The following GREP1 variants were observed in gnomAD, a reference collection of about 807,000 sequenced individuals.
GREP1 encodes the protein glycine rich extracellular protein 1, also known as glycine-rich extracellular protein 1.
chr16:2,999,031 T>G (rs1567399128), intron 26 of GREP1, 52 bp downstream of exon 24: 1 of 399,098 alleles, frequency 2.5e-6, no homozygotes, highest in East Asian at 3.6e-5. Context: ...CCTGGCCCTA[T>G]GAGGGTCAGG....
At chr16:2,996,682 C>T (rs999127651) in exon 20 of GREP1, 7 of 398,680 alleles carry the variant, frequency 1.8e-5, no homozygotes, top group African/African-American at 6.2e-5. Flanking sequence ...GGCCTAGGAG[C>T]GGGGATGAAG....
chr16:2,997,516 C>T (rs1053778358), intron 22 of GREP1: 4 of 398,336 alleles, frequency 1.0e-5, no homozygotes, highest in African/African-American at 4.1e-5. Flanking sequence ...CTTGGGGGCT[C>T]CTGCAGCCTT....
intron 25 of GREP1, among the ~76,000 whole-genome samples, 154 bp downstream of exon 23, chr16:2,998,677 G>A (rs1456049645): frequency 1.3e-5 from 2 of 152,138 alleles, no homozygotes; most frequent in Non-Finnish European, 2.9e-5. Flanking sequence ...AGGAGAGTGT[G>A]GACCAAGGGA....
intron 12 of GREP1, 44 bp downstream of exon 13, chr16:2,994,882 A>C (rs1377021332): frequency 2.5e-6 from 1 of 398,972 alleles, no homozygotes; most frequent in Non-Finnish European, 4.4e-6. Context: ...CCAAAACCTG[A>C]GCTCCCTCCC....
At chr16:2,993,085 G>T (rs1040653322) in intron 10 of GREP1, 122 bp downstream of exon 11, 1 of 396,580 alleles carries the variant, frequency 2.5e-6, no homozygotes, top group Non-Finnish European at 4.4e-6. Flanking sequence ...AATAGGAATG[G>T]GTGGGGAGTC....
chr16:2,999,012 T>G (rs1017367691), intron 26 of GREP1, 33 bp downstream of exon 24: 15 of 399,022 alleles, frequency 3.8e-5, no homozygotes, highest in Non-Finnish European at 6.2e-5. Flanking sequence ...TAGGGGGCAC[T>G]GGGAAGCACC....
rs1263025188 is a variant in GREP1 at position 2,998,915 on chromosome 16, CAA to C, written c.1082_1083del (p.Lys361ArgfsTer52). 3 of 399,006 alleles carry C rather than the reference CAA, an allele frequency of 7.5e-6. No individual in the cohort carries two copies. The East Asian group carries it at 1.1e-4, about 14-fold the overall frequency. The allele number at this position is 399,006 out of a possible 1,614,324, so 24.7% of individuals were successfully genotyped here. On this transcript the variant is annotated frameshift_variant, in exon 26 of 35. Coordinates refer to ENST00000573315, the Ensembl canonical transcript of GREP1. LOFTEE classifies it high-confidence loss of function. ...TTCCCACTCCAGGGGTCCCTTCGGA[CAA>C]AGAGGGTGGCTGGGGCCTGAAATCC...
intron 27 of GREP1, 101 bp from the exon 25 acceptor site, chr16:2,999,801 A>G (rs1488050912): frequency 2.5e-6 from 1 of 398,476 alleles, no homozygotes; most frequent in African/African-American, 2.1e-5. Context: ...TGGACAGGAA[A>G]AGTCTCTGCT....
intron 27 of GREP1, among the ~76,000 whole-genome samples, chr16:2,999,462 GAGT>G (rs1162696053): frequency 1.4e-5 from 2 of 143,260 alleles, no homozygotes; most frequent in East Asian, 4.2e-4. Flanking sequence ...GTCCCTCCCC[GAGT>G]CTACCCTCTT....
At chr16:2,993,912 C>G (rs1355107528) in intron 10 of GREP1, 1 of 152,154 alleles carries the variant, frequency 6.6e-6, no homozygotes, top group Non-Finnish European at 1.5e-5. Flanking sequence ...GTGAGCCGAT[C>G]GTGCCACTGC....
At chr16:2,988,655 G>A (rs764471043) in intron 2 of GREP1, 33 bp downstream of exon 2, 19 of 398,960 alleles carry the variant, frequency 4.8e-5, no homozygotes, top group Non-Finnish European at 8.4e-5. Flanking sequence ...GGGTCAGGAA[G>A]AGTCTCCCAT....
At chr16:2,988,382 T>A (rs1173057972) in intron 1 of GREP1, 42 bp downstream of exon 1, 2 of 399,086 alleles carry the variant, frequency 5.0e-6, no homozygotes, top group Middle Eastern at 6.3e-4. Context: ...AGAATGGGCA[T>A]CTGTGACTGG....
intron 17 of GREP1, 37 bp downstream of exon 17, chr16:2,995,808 C>T (rs766219306): frequency 7.5e-6 from 3 of 398,554 alleles, no homozygotes; most frequent in East Asian, 3.6e-5. Flanking sequence ...TCTCTATGCA[C>T]GAACCCCTGA....
At position 2,992,941 on chromosome 16, in the gene GREP1, G is replaced by C. The variant is rs2151094432; in HGVS notation, c.363G>C (p.Gly121=). The change falls in exon 10 of 35, where the codon GGG becomes GGC. Residue 121 remains glycine (G), a synonymous_variant. Transcript: ENST00000573315. This position sits in a 1 kb window ranked among gnomAD's most constrained non-coding sequence, Gnocchi z 4.9. Reference sequence around the variant, plus strand: ...TCATCTTCCCCCCAGGCTTTGGAGGGGGTGGAAAACCCCAGAAGCCAGGTG... The same window carrying C: ...TCATCTTCCCCCCAGGCTTTGGAGGCGGTGGAAAACCCCAGAAGCCAGGTG... The C allele has an allele frequency of 2.5e-6, 1 of 399,050 alleles. No individual in the cohort carries two copies. The highest frequency in any genetic ancestry group is 4.4e-6 in the Non-Finnish European group (1 of 226,068). 24.7% of individuals were successfully genotyped at this position (399,050 alleles called of 1,614,324 possible). A position where few individuals can be genotyped will look rare whatever the true frequency, so the allele number is the denominator to read the frequency against.
intron 27 of GREP1, among the ~76,000 whole-genome samples, chr16:2,999,479 C>CTTTTTTTTT (rs35368761): frequency 1.3e-5 from 1 of 75,500 alleles, no homozygotes; most frequent in Admixed American, 1.5e-4. Flanking sequence ...CCCTCTTGCT[C>CTTTTTTTTT]TTTTTTTTTT....
chr16:2,990,193 T>A (rs958123456), intron 5 of GREP1, 71 bp downstream of exon 5: 10 of 397,104 alleles, frequency 2.5e-5, no homozygotes, highest in Admixed American at 1.3e-4. Context: ...TTGGAGAGAT[T>A]GTTGGGGGGA....
Position 3,000,843 on chromosome 16 carries a change from G to C in GREP1, c.1531+16G>C. On this transcript the variant is annotated intron_variant, in intron 33 of 34. Transcript: ENST00000573315. ...AGCCAGCCAGGTAACGGGATGCCTG[G>C]ATGAGTGTGTTGGGGCCATTAGAGG... 2.5e-6 allele frequency: 1 copy of C among 399,160 alleles called. No homozygotes were observed. Among genetic ancestry groups the C allele is most frequent in the Admixed American group, 4.4e-5 (1 of 22,742 alleles). 24.7% of individuals were successfully genotyped at this position (399,160 alleles called of 1,614,324 possible).
Position 2,992,603 on chromosome 16 carries a change from G to A in GREP1, c.323-202G>A, listed in dbSNP as rs1209095875. 2.6e-6 allele frequency: 1 copy of A among 387,098 alleles called. No individual in the cohort carries two copies. Among genetic ancestry groups the A allele is most frequent in the Non-Finnish European group, 4.6e-6 (1 of 219,188 alleles). 24.0% of individuals were successfully genotyped at this position (387,098 alleles called of 1,614,324 possible). ...CTGGCCATGGAGGACACCCAAGCTGGTCAAGGGTGGCCACGGTCTGGACTC... is the reference window on the plus strand; with the variant it reads ...CTGGCCATGGAGGACACCCAAGCTGATCAAGGGTGGCCACGGTCTGGACTC... On this transcript the variant is annotated intron_variant, in intron 8 of 34. Transcript: ENST00000573315. This position sits in a 1 kb window ranked among gnomAD's most constrained non-coding sequence, Gnocchi z 4.9.
Position 2,991,202 on chromosome 16 carries a change from G to C in GREP1, c.322+101G>C, listed in dbSNP as rs1347382972. On this transcript the variant is annotated intron_variant, in intron 8 of 34. Coordinates refer to ENST00000573315, the Ensembl canonical transcript of GREP1. The surrounding 1 kb of genome is among the most constrained non-coding windows in gnomAD (Gnocchi z 4.9). ...CAGGAGCTGGGAGAGCTGGGCTCTG[G>C]AGGGAGGGCAGGGCTCAGCCACTCT... 4 of 398,568 alleles carry C rather than the reference G, an allele frequency of 1.0e-5. No individual in the cohort carries two copies. Among genetic ancestry groups the C allele is most frequent in the Non-Finnish European group, 1.8e-5 (4 of 226,030 alleles). The allele number at this position is 398,568 out of a possible 1,614,324, so 24.7% of individuals were successfully genotyped here.
Sources: allele counts gnomAD v4.1 joint callset (sites outside exome capture counted in the v4.1 genomes callset), GRCh38; gene constraint gnomAD v4.1.1; non-coding constraint Gnocchi (gnomAD v3.1); transcripts MANE v1.5; gene names NCBI Gene and HGNC (gene_info 2026-07-23, HGNC 2026-07-21).